Variants in CEP83 observed in about 807,000 individuals in gnomAD.
The protein encoded by CEP83 is centrosomal protein of 83 kDa.
CEP83 carries 70 observed loss-of-function variants against 101.9 expected under a neutral mutation model. The observed-to-expected ratio is 0.69, with a 90% CI of 0.57 to 0.84. The LOEUF (loss-of-function observed/expected upper bound fraction) is 0.84. Ranked by LOEUF, CEP83 falls within the 40% of genes least tolerant of loss-of-function variation. CEP83 has a pLI of 0.00. For missense variants in CEP83, 715 were observed against 787.2 expected, an observed-to-expected ratio of 0.91 and a Z score of 1.10; for synonymous variants, 264 against 267.9, an observed-to-expected ratio of 0.99 and a Z score of 0.14.
intron 9 of CEP83, chr12:94,369,314 C>G (rs982856613): frequency 6.6e-6 from 1 of 151,806 alleles, no homozygotes; most frequent in Admixed American, 6.6e-5. Flanking sequence ...AAATAGCCAG[C>G]CTGGTGGTGG....
At chr12:94,402,584 G>A (rs2063318782) in intron 5 of CEP83, among the ~76,000 whole-genome samples, 1 of 152,086 alleles carries the variant, frequency 6.6e-6, no homozygotes, top group South Asian at 2.1e-4. Context: ...TATCTGGAGG[G>A]AGAGTATTCA....
chr12:94,309,781 T>G (rs1969557579), intron 16 of CEP83, 137 bp downstream of exon 16: 1 of 501,254 alleles, frequency 2.0e-6, no homozygotes, highest in African/African-American at 1.9e-5. Flanking sequence ...AAAAGTAGTT[T>G]TAAATGTTTA....
intron 9 of CEP83, chr12:94,368,818 T>C (rs930092858): frequency 6.6e-6 from 1 of 152,212 alleles, no homozygotes. Context: ...CTTAACTCTA[T>C]GGAAATCCAT....
chr12:94,308,749 A>T lies in CEP83; in HGVS notation c.*64T>A. On this transcript the variant is annotated 3_prime_UTR_variant, in exon 17 of 17. Coordinates refer to ENST00000397809, the MANE Select transcript of CEP83 (RefSeq NM_016122.3). ...AAAAAGTATCTAAATGCCACAGGTTAAAATGTCAAGTTTTACTGAGTCACC... is the reference window on the plus strand; with the variant it reads ...AAAAAGTATCTAAATGCCACAGGTTTAAATGTCAAGTTTTACTGAGTCACC... 9.0e-7 allele frequency: 1 copy of T among 1,115,720 alleles called. No homozygotes were observed. Among genetic ancestry groups the T allele is most frequent in the Non-Finnish European group, 1.4e-6 (1 of 733,840 alleles). The allele number at this position is 1,115,720 out of a possible 1,614,324, so 69.1% of individuals were successfully genotyped here. A position where few individuals can be genotyped will look rare whatever the true frequency, so the allele number is the denominator to read the frequency against.
At chr12:94,450,442 C>T (rs1316516048) in intron 1 of CEP83, among the ~76,000 whole-genome samples, 3 of 152,086 alleles carry the variant, frequency 2.0e-5, no homozygotes, top group Admixed American at 6.5e-5. Flanking sequence ...TTAGTAGAGA[C>T]GGGGTTTCAC....
intron 2 of CEP83, among the ~76,000 whole-genome samples, chr12:94,431,145 C>T (rs1308393623): frequency 1.3e-5 from 2 of 152,122 alleles, no homozygotes; most frequent in Non-Finnish European, 2.9e-5. Context: ...AAGAAATCCA[C>T]AAATAGCCAT....
chr12:94,449,797 A>AT (rs1434275069), intron 1 of CEP83, among the ~76,000 whole-genome samples: 27 of 149,260 alleles, frequency 1.8e-4, no homozygotes, highest in Non-Finnish European at 2.2e-4. Flanking sequence ...AAAAAAAAAA[A>AT]AAAAAAAAAA....
intron 6 of CEP83, among the ~76,000 whole-genome samples, chr12:94,380,707 T>C (rs923509022): frequency 2.1e-4 from 32 of 152,308 alleles, no homozygotes; most frequent in African/African-American, 7.5e-4. Flanking sequence ...TGGTGCCCTT[T>C]ACTGAGTACT....
chr12:94,380,857 T>G (rs1420264427), intron 6 of CEP83, among the ~76,000 whole-genome samples: 2 of 152,202 alleles, frequency 1.3e-5, no homozygotes, highest in African/African-American at 4.8e-5. Context: ...TATTATTGCT[T>G]TCTTTCCACG....
intron 9 of CEP83, 34 bp from the exon 10 acceptor site, chr12:94,368,235 T>C (rs1195741846): frequency 2.0e-6 from 3 of 1,537,966 alleles, no homozygotes; most frequent in Admixed American, 3.8e-5. Flanking sequence ...TGTACTATAT[T>C]CAATGTTATT....
intron 11 of CEP83, among the ~76,000 whole-genome samples, chr12:94,354,697 T>C (rs1373344183): frequency 6.6e-6 from 1 of 152,100 alleles, no homozygotes; most frequent in East Asian, 1.9e-4. Context: ...GAATGACCAA[T>C]GAGTCAAGGA....
intron 11 of CEP83, among the ~76,000 whole-genome samples, chr12:94,338,054 G>A (rs2059525436): frequency 6.6e-6 from 1 of 152,194 alleles, no homozygotes; most frequent in Non-Finnish European, 1.5e-5. Flanking sequence ...TTCAGTGACA[G>A]GAGCATGGAT....
At chr12:94,291,262 G>A in the CEP83 span, among the ~76,000 whole-genome samples, 31,734 of 152,208 alleles carry the variant, frequency 0.21, 3,865 homozygotes, top group Admixed American at 0.27. Flanking sequence ...TTGAGACAGG[G>A]TCTTGCTCTG....
chr12:94,381,216 GCT>G (rs1040672516), intron 6 of CEP83, among the ~76,000 whole-genome samples: 5 of 152,214 alleles, frequency 3.3e-5, no homozygotes, highest in Admixed American at 6.5e-5. Context: ...TACAGCCTCA[GCT>G]CTTTCTTTTT....
intron 8 of CEP83, among the ~76,000 whole-genome samples, chr12:94,374,696 T>C (rs773815681): frequency 5.3e-5 from 8 of 152,182 alleles, no homozygotes; most frequent in African/African-American, 9.7e-5. Context: ...AGGTTACACA[T>C]AGTTATTGAG....
chr12:94,312,803 A>G (rs1402687903), intron 15 of CEP83, 111 bp downstream of exon 15: 8 of 1,245,578 alleles, frequency 6.4e-6, no homozygotes, highest in Admixed American at 7.6e-5. Flanking sequence ...GCTGTTTTAG[A>G]AATCTTTAAA....
the CEP83 span, among the ~76,000 whole-genome samples, chr12:94,266,191 A>G: frequency 6.6e-6 from 1 of 152,170 alleles, no homozygotes; most frequent in Non-Finnish European, 1.5e-5. Flanking sequence ...TGGAGAAGGC[A>G]CCACTTTGCC....
At chr12:94,336,081 T>C (rs2059435981) in intron 11 of CEP83, among the ~76,000 whole-genome samples, 1 of 143,242 alleles carries the variant, frequency 7.0e-6, no homozygotes, top group African/African-American at 3.0e-5. Context: ...TATTTTACAA[T>C]TTGCAAAATT....
the CEP83 span, among the ~76,000 whole-genome samples, chr12:94,286,105 C>G: frequency 7.9e-5 from 12 of 152,294 alleles, no homozygotes; most frequent in Non-Finnish European, 1.6e-4. Flanking sequence ...TGCTAGACAC[C>G]TATCTGCTTA....
Sources: allele counts gnomAD v4.1 joint callset (sites outside exome capture counted in the v4.1 genomes callset), GRCh38; gene constraint gnomAD v4.1.1; transcripts MANE v1.5; gene names NCBI Gene and HGNC (gene_info 2026-07-23, HGNC 2026-07-21).